The following IKBKG variants were observed in gnomAD, a reference collection of about 807,000 sequenced individuals.
The protein encoded by IKBKG is NF-kappa-B essential modulator.
Under a neutral mutation model 13.7 loss-of-function variants are expected in IKBKG, and 2 were observed. That is an observed-to-expected ratio of 0.15 (90% CI 0.06 to 0.46). IKBKG has a LOEUF of 0.46. Among genes scored for constraint, IKBKG ranks in the 20% least tolerant of loss-of-function variants. The pLI is 0.98. For synonymous variants in IKBKG, 22 were observed against 64.4 expected (o/e 0.34, Z 3.15); for missense variants, 53 against 150.3 (o/e 0.35, Z 3.39).
chrX:154,545,606 G>A (rs1479228868), upstream of IKBKG: 6 of 164,817 alleles, frequency 3.6e-5, no homozygotes, highest in African/African-American at 9.5e-5. Flanking sequence ...AGGCCGAGGC[G>A]GGCGGATCAC....
At chrX:154,542,328 A>G in exon 2 of IKBKG, 1 of 1,192,737 alleles carries the variant, frequency 8.4e-7, no homozygotes, top group South Asian at 1.8e-5. Context: ...CAGACTATCA[A>G]TCCCAGTCTC....
upstream of IKBKG, chrX:154,546,129 C>G: frequency 8.3e-7 from 1 of 1,211,852 alleles, no homozygotes; most frequent in South Asian, 1.8e-5. Flanking sequence ...ACACCTGGGT[C>G]CGGCTCAGGG....
intron 2 of IKBKG, among the ~76,000 whole-genome samples, chrX:154,553,874 A>G (rs1171930252): frequency 1.8e-5 from 2 of 112,680 alleles, no homozygotes; most frequent in Non-Finnish European, 3.8e-5. Flanking sequence ...GCTCATCCCC[A>G]GGAGAGTGCT....
intron 1 of IKBKG, chrX:154,547,967 G>C: frequency 1.3e-6 from 1 of 754,908 alleles, no homozygotes; most frequent in Non-Finnish European, 1.6e-6. Context: ...TGCGGGGTCT[G>C]ACCCTACTCC....
At chrX:154,546,053 T>C, upstream of IKBKG, 1 of 1,211,068 alleles carries the variant, frequency 8.3e-7, no homozygotes, top group Non-Finnish European at 1.1e-6. Context: ...CCCATGATGA[T>C]GAATATGTGT....
chrX:154,547,568 T>G (rs2070781990), upstream of IKBKG: 1 of 754,513 alleles, frequency 1.3e-6, no homozygotes, highest in South Asian at 6.7e-5. Context: ...CTTCCCGAGT[T>G]CTCGGGGGCG....
At position 154,547,844 on chromosome X, in the gene IKBKG, C is replaced by T. The variant is rs782425753; in HGVS notation, c.-16+99C>T. The T allele has an allele frequency of 1.1e-5, 8 of 753,831 alleles. No individual in the cohort carries two copies. The East Asian group carries it at 1.2e-3, about 114-fold the overall frequency. The allele number at this position is 753,831 out of a possible 1,213,427, so 62.1% of individuals were successfully genotyped here. A position where few individuals can be genotyped will look rare whatever the true frequency, so the allele number is the denominator to read the frequency against. On this transcript the variant is annotated intron_variant, in intron 1 of 9. Transcript: ENST00000594239. ...TCAGGCTCCCCCCTCTTTTTTGGGC[C>T]CCAGCCCGTTCCTGCTCCGCGCTTC...
chrX:154,547,628 G>A lies in IKBKG; in HGVS notation c.-133G>A, dbSNP rs1183291271. ...CCCACAGCTATGACACCGGAAGCCG[G>A]AAGCGTGGTAGGGAAGGGCGACCGC... is the stretch of plus-strand genomic sequence containing the variant. On this transcript the variant is annotated 5_prime_UTR_variant, in exon 1 of 10. Coordinates refer to ENST00000594239, the MANE Select transcript of IKBKG (RefSeq NM_001099857.5). 1.3e-6 allele frequency: 1 copy of A among 755,043 alleles called. No homozygotes were observed. The highest frequency in any genetic ancestry group is 6.7e-5 in the South Asian group (1 of 14,896). 62.2% of individuals were successfully genotyped at this position (755,043 alleles called of 1,213,427 possible).
At chrX:154,554,053 G>A (rs2071002303) in intron 2 of IKBKG, among the ~76,000 whole-genome samples, 1 of 112,760 alleles carries the variant, frequency 8.9e-6, no homozygotes, top group Non-Finnish European at 1.9e-5. Flanking sequence ...CCCCTGCTCC[G>A]CCTGACCTGA....
upstream of IKBKG, among the ~76,000 whole-genome samples, chrX:154,544,847 C>T (rs113492957): frequency 0.028 from 3,168 of 112,275 alleles, 107 homozygotes; most frequent in African/African-American, 0.096. Flanking sequence ...AGTGTGACAG[C>T]GCGTTGTTCT....
At chrX:154,544,008 A>G (rs1432862267), upstream of IKBKG, among the ~76,000 whole-genome samples, 1 of 108,707 alleles carries the variant, frequency 9.2e-6, no homozygotes, top group Admixed American at 9.9e-5. Flanking sequence ...GCTGGACTAC[A>G]GGTGCCCACA....
chrX:154,546,958 T>C, upstream of IKBKG: 2 of 346,736 alleles, frequency 5.8e-6, no homozygotes, highest in South Asian at 1.3e-4. Flanking sequence ...CCACCACCCC[T>C]CGTGCGGGCG....
chrX:154,551,655 TCTC>T (rs1557235058), intron 1 of IKBKG, among the ~76,000 whole-genome samples: 1 of 111,347 alleles, frequency 9.0e-6, no homozygotes, highest in Non-Finnish European at 1.9e-5. Flanking sequence ...ACCCTCCACT[TCTC>T]CTGCTTGGAG....
upstream of IKBKG, chrX:154,546,843 T>G (rs1557233558): frequency 3.5e-6 from 4 of 1,134,867 alleles, no homozygotes; most frequent in Non-Finnish European, 4.7e-6. Flanking sequence ...GTACGACCGT[T>G]TCCGGGGGCT....
At chrX:154,542,539 G>C (rs2070545003), upstream of IKBKG, 2 of 1,055,611 alleles carry the variant, frequency 1.9e-6, no homozygotes, top group Non-Finnish European at 2.5e-6. Context: ...GGTGCCATCA[G>C]GGCCCCCAGG....
At chrX:154,545,995 CA>C, upstream of IKBKG, 1 of 1,206,335 alleles carries the variant, frequency 8.3e-7, no homozygotes, top group Non-Finnish European at 1.1e-6. Context: ...ATGGAGCAGG[CA>C]CTTCCTGGCT....
intron 2 of IKBKG, among the ~76,000 whole-genome samples, chrX:154,553,023 C>CT (rs1230025955): frequency 4.4e-5 from 5 of 112,710 alleles, no homozygotes; most frequent in Non-Finnish European, 9.4e-5. Flanking sequence ...CTGCGGGGGC[C>CT]TTCTAAGCCT....
intron 1 of IKBKG, among the ~76,000 whole-genome samples, chrX:154,548,948 G>T (rs782059587): frequency 1.3e-4 from 14 of 107,566 alleles, no homozygotes; most frequent in African/African-American, 4.7e-4. Flanking sequence ...TATATCCCTC[G>T]CAATCCTCTC....
upstream of IKBKG, chrX:154,546,689 C>T (rs1275305729): frequency 7.1e-6 from 5 of 708,345 alleles, no homozygotes; most frequent in Non-Finnish European, 8.3e-6. Flanking sequence ...CGATTCTGCT[C>T]GGTTCTCAAG....
Sources: gnomAD v4.1 joint callset for allele counts (sites outside exome capture counted in the v4.1 genomes callset) on GRCh38, gnomAD v4.1.1 for gene constraint, MANE v1.5 for transcripts, NCBI Gene and HGNC (gene_info 2026-07-23, HGNC 2026-07-21) for gene names.